Variants in DHX57 observed in about 807,000 individuals in gnomAD.
DHX57 encodes putative ATP-dependent RNA helicase DHX57.
Under a neutral mutation model 156.2 loss-of-function variants are expected in DHX57, and 105 were observed. That is an observed-to-expected ratio of 0.67 (90% CI 0.57 to 0.79). The LOEUF (loss-of-function observed/expected upper bound fraction) is 0.79. DHX57 is among the 30% of genes least tolerant of loss of function. The pLI, the probability that DHX57 is intolerant of heterozygous loss-of-function variation, is 0.00. For missense variants in DHX57, 1,847 were observed against 1,661.9 expected, an observed-to-expected ratio of 1.11 and a Z score of -1.94; for synonymous variants, 704 against 595.6, an observed-to-expected ratio of 1.18 and a Z score of -2.65.
At chr2:38,811,548 G>A in intron 21 of DHX57, 2 of 1,182,326 alleles carry the variant, frequency 1.7e-6, no homozygotes, top group South Asian at 1.2e-5. Flanking sequence ...GCCAACATTG[G>A]CCAGGTAGGC....
At chr2:38,841,413 A>G (rs1671990934) in intron 12 of DHX57, among the ~76,000 whole-genome samples, 1 of 152,228 alleles carries the variant, frequency 6.6e-6, no homozygotes, top group Non-Finnish European at 1.5e-5. Flanking sequence ...ATAAAACACA[A>G]GTCCATTCTC....
At chr2:38,862,949 G>A (rs1205327072) in intron 3 of DHX57, 1 of 159,214 alleles carries the variant, frequency 6.3e-6, no homozygotes, top group Non-Finnish European at 1.4e-5. Flanking sequence ...GCAGTAGAGT[G>A]GGAAACGAAT....
intron 13 of DHX57, 25 bp from the exon 14 acceptor site, chr2:38,828,461 T>C (rs1409653272): frequency 6.4e-7 from 1 of 1,550,696 alleles, no homozygotes; most frequent in East Asian, 2.3e-5. Flanking sequence ...AGAATCAATA[T>C]GTGGGTAAGC....
At chr2:38,835,439 C>G (rs551845877) in intron 13 of DHX57, among the ~76,000 whole-genome samples, 27 of 152,320 alleles carry the variant, frequency 1.8e-4, no homozygotes, top group Non-Finnish European at 3.4e-4. Flanking sequence ...CTTTTCTGGA[C>G]TGGTTCCATC....
At chr2:38,827,133 AAAAATAAAATAAAAT>A (rs55993145) in intron 14 of DHX57, among the ~76,000 whole-genome samples, 2 of 147,324 alleles carry the variant, frequency 1.4e-5, no homozygotes, top group Admixed American at 1.4e-4. Flanking sequence ...CTCCGTCTCG[AAAAATAAAATAAAAT>A]AAAATAAAAT....
intron 11 of DHX57, among the ~76,000 whole-genome samples, chr2:38,844,311 A>T (rs566381868): frequency 6.6e-6 from 1 of 152,236 alleles, no homozygotes; most frequent in East Asian, 1.9e-4. Context: ...TAGAGGCACA[A>T]GAAAAGTATT....
chr2:38,828,372 A>T lies in DHX57; in HGVS notation c.2607T>A (p.Ser869=). 1 of 1,613,526 alleles carries T rather than the reference A, an allele frequency of 6.2e-7. No individual in the cohort carries two copies. Among genetic ancestry groups the T allele is most frequent in the Non-Finnish European group, 8.5e-7 (1 of 1,179,752 alleles). ...TACGTCTGTTGTTGAAAAGAGAATT[A>T]GACTGTAGCTGTTCATAAAGCATTT... The part of the protein sequence containing the change: ...EIKMLYEQLQ[S]NSLFNNRRSN... The change falls in exon 14 of 24, where the codon TCT becomes TCA. Residue 869 remains serine (S), a synonymous_variant. Coordinates refer to ENST00000457308, the MANE Select transcript of DHX57 (RefSeq NM_198963.3).
At position 38,848,337 on chromosome 2, in the gene DHX57, A is replaced by G; in HGVS notation, c.2096T>C (p.Met699Thr). 1 of 1,612,888 alleles carries G rather than the reference A, an allele frequency of 6.2e-7. No individual in the cohort carries two copies. The highest frequency in any genetic ancestry group is 8.5e-7 in the Non-Finnish European group (1 of 1,179,504). The change falls in exon 10 of 24, where the codon ATG becomes ACG. Residue 699 changes from methionine to threonine, a missense_variant. Coordinates refer to ENST00000457308, the MANE Select transcript of DHX57 (RefSeq NM_198963.3). ...SQRPGLQVIL[M>T]SATLNAELFS... ...AAGCTCAGCGTTTAGAGTTGCACTC[A>G]TTAAAATAACTTGAAGACCTGGCCT...
chr2:38,872,644 T>C (rs1665407273), intron 1 of DHX57, among the ~76,000 whole-genome samples: 1 of 152,202 alleles, frequency 6.6e-6, no homozygotes. Flanking sequence ...GGGATATTTC[T>C]TAATGATAAA....
At chr2:38,812,052 C>T (rs980595629) in intron 21 of DHX57, among the ~76,000 whole-genome samples, 1 of 152,156 alleles carries the variant, frequency 6.6e-6, no homozygotes, top group African/African-American at 2.4e-5. Flanking sequence ...AGCCAATGCT[C>T]CTGGCCCCCA....
intron 6 of DHX57, among the ~76,000 whole-genome samples, chr2:38,858,072 T>C (rs1285906561): frequency 6.6e-6 from 1 of 152,180 alleles, no homozygotes; most frequent in African/African-American, 2.4e-5. Context: ...TTGTTTTGTT[T>C]TGTTTTTGAG....
chr2:38,803,941 C>T (rs928149315), intron 22 of DHX57, among the ~76,000 whole-genome samples: 1 of 152,014 alleles, frequency 6.6e-6, no homozygotes, highest in African/African-American at 2.4e-5. Flanking sequence ...ACTATCACAC[C>T]TGGCGAATTT....
chr2:38,818,971 G>C lies in DHX57; in HGVS notation c.3388-11C>G. The C allele has an allele frequency of 2.5e-6, 4 of 1,614,114 alleles. No individual in the cohort carries two copies. Among genetic ancestry groups the C allele is most frequent in the Non-Finnish European group, 3.4e-6 (4 of 1,180,020 alleles). On this transcript the variant is annotated splice_polypyrimidine_tract_variant and intron_variant, in intron 18 of 23. Coordinates refer to ENST00000457308, the MANE Select transcript of DHX57 (RefSeq NM_198963.3). ...ACTTAGCTGCCATCCCTAAATTTTGGAGAAAATCAAACTGAACTTACTCAG... is the reference window on the plus strand; with the variant it reads ...ACTTAGCTGCCATCCCTAAATTTTGCAGAAAATCAAACTGAACTTACTCAG...
At chr2:38,808,157 G>A (rs1670056399) in intron 21 of DHX57, among the ~76,000 whole-genome samples, 1 of 149,332 alleles carries the variant, frequency 6.7e-6, no homozygotes, top group African/African-American at 2.5e-5. Flanking sequence ...GTTTCACCAT[G>A]TTGGTCAGGA....
intron 14 of DHX57, 78 bp downstream of exon 14, chr2:38,828,262 C>T: frequency 2.8e-6 from 3 of 1,069,680 alleles, no homozygotes; most frequent in East Asian, 2.7e-5. Context: ...GGTGCTCTTC[C>T]AGGGTCTAAA....
At chr2:38,815,449 A>T in intron 20 of DHX57, 72 bp downstream of exon 20, 1 of 1,588,436 alleles carries the variant, frequency 6.3e-7, no homozygotes, top group Non-Finnish European at 8.6e-7. Context: ...GAATGTCTAC[A>T]AGTGTTCCCA....
chr2:38,854,158 T>C lies in DHX57; in HGVS notation c.1926A>G (p.Leu642=). The change falls in exon 9 of 24, where the codon TTA becomes TTG. Residue 642 remains leucine, a synonymous_variant. Coordinates refer to ENST00000457308, the MANE Select transcript of DHX57 (RefSeq NM_198963.3). ...TCAGCAGCACTCCCGTGGTGCAGTA[T>C]AACAGTCTGGTGGCTGAGGACTTAC... ...ESVKSSATRL[L]YCTTGVLLRR... is the part of the protein sequence containing the mutation. 2 of 1,613,934 alleles carry C rather than the reference T, an allele frequency of 1.2e-6. No homozygotes were observed. The highest frequency in any genetic ancestry group is 1.7e-6 in the Non-Finnish European group (2 of 1,179,886).
At chr2:38,858,870 G>A (rs754389761) in intron 5 of DHX57, 34 bp from the exon 6 acceptor site, 4 of 1,575,288 alleles carry the variant, frequency 2.5e-6, no homozygotes, top group Non-Finnish European at 3.4e-6. Flanking sequence ...TTTCAGTATG[G>A]AGCCCTTTCT....
intron 2 of DHX57, among the ~76,000 whole-genome samples, chr2:38,867,878 C>G (rs1282019616): frequency 1.3e-5 from 2 of 152,172 alleles, no homozygotes; most frequent in East Asian, 1.9e-4. Flanking sequence ...TTAACATCAT[C>G]ATTTTAACAT....
Sources: gnomAD v4.1 joint callset for allele counts (sites outside exome capture counted in the v4.1 genomes callset) on GRCh38, gnomAD v4.1.1 for gene constraint, MANE v1.5 for transcripts, NCBI Gene and HGNC (gene_info 2026-07-23, HGNC 2026-07-21) for gene names.